CHODL: variants seen among roughly 807,000 people sequenced by gnomAD.
The protein encoded by CHODL is chondrolectin.
In CHODL, 29 loss-of-function variants were observed where a neutral mutation model predicts 34.5. That is an observed-to-expected ratio of 0.84 (90% confidence interval 0.63 to 1.15). The LOEUF is 1.15. CHODL is among the 50% of genes most tolerant of loss of function. The probability of loss-of-function intolerance (pLI) is 0.00; values close to 1 mark genes in which losing one functional copy is unlikely to be tolerated. For synonymous variants in CHODL, 125 were observed against 116.1 expected (o/e 1.08, Z -0.49); for missense variants, 332 against 332.5 (o/e 1.00, Z 0.01).
At chr21:18,060,398 C>T (rs2146483087) in intron 2 of CHODL, among the ~76,000 whole-genome samples, 1 of 151,806 alleles carries the variant, frequency 6.6e-6, no homozygotes, top group Non-Finnish European at 1.5e-5. Context: ...TGCAGCGAGC[C>T]GTGTTTGCAC....
At position 18,206,503 on chromosome 21, in the gene CHODL, CTTTATT is replaced by C. The variant is rs574286232; in HGVS notation, c.-44-50001_-44-49996del. The stretch of plus-strand genomic sequence containing the variant: ...TTGTGTGAAATACCTTTTTCCATTT[CTTTATT>C]TTTAGTCTCTGTGTGTCTTCATAGG... On this transcript the variant is annotated intron_variant, in intron 2 of 6. Transcript: ENST00000400127. Among the ~76,000 whole-genome samples the C allele has an allele frequency of 2.0e-3, 310 of 151,332 alleles. 2 individuals carry two copies. Among genetic ancestry groups the C allele is most frequent in the Middle Eastern group, 0.01 (3 of 294 alleles).
At chr21:18,112,658 T>C (rs7275543) in intron 2 of CHODL, among the ~76,000 whole-genome samples, 62,925 of 151,956 alleles carry the variant, frequency 0.41, 14,184 homozygotes, top group East Asian at 0.89. Context: ...AGAACATACA[T>C]TGGGGAAAAA....
chr21:18,263,349 C>G (rs185818892), intron 5 of CHODL, among the ~76,000 whole-genome samples: 206 of 152,188 alleles, frequency 1.4e-3, no homozygotes, highest in African/African-American at 4.7e-3. Flanking sequence ...AAATTCAAGT[C>G]ACAGGTTTCT....
At chr21:18,060,508 AG>A (rs2146483351) in intron 2 of CHODL, among the ~76,000 whole-genome samples, 1 of 151,908 alleles carries the variant, frequency 6.6e-6, no homozygotes, top group Admixed American at 6.6e-5. Flanking sequence ...CTTAATCTAG[AG>A]GTAGTGATGC....
chr21:17,948,744 A>G (rs1267609379), intron 1 of CHODL, among the ~76,000 whole-genome samples: 1 of 152,180 alleles, frequency 6.6e-6, no homozygotes, highest in South Asian at 2.1e-4. Flanking sequence ...AATGAGTAAT[A>G]AAATTGAATC....
chr21:18,094,428 C>A (rs568169693), intron 2 of CHODL, among the ~76,000 whole-genome samples: 2 of 152,046 alleles, frequency 1.3e-5, no homozygotes, highest in Non-Finnish European at 1.5e-5. Flanking sequence ...CTCCTCAGCA[C>A]GTAGATTATT....
At chr21:18,198,621 C>A (rs2073615945) in intron 2 of CHODL, among the ~76,000 whole-genome samples, 1 of 152,072 alleles carries the variant, frequency 6.6e-6, no homozygotes, top group East Asian at 1.9e-4. Context: ...TTTTAGATTT[C>A]TGGTGGTGTT....
intron 2 of CHODL, among the ~76,000 whole-genome samples, chr21:18,205,933 T>C (rs1476613426): frequency 1.3e-5 from 2 of 152,114 alleles, no homozygotes; most frequent in Admixed American, 1.3e-4. Context: ...TTTCCATGTA[T>C]TTGTATAGTT....
intron 2 of CHODL, among the ~76,000 whole-genome samples, chr21:18,122,387 A>C (rs1343078849): frequency 6.6e-6 from 1 of 152,162 alleles, no homozygotes; most frequent in Non-Finnish European, 1.5e-5. Context: ...TTTCTACTGA[A>C]GGAGGATAAT....
intron 1 of CHODL, among the ~76,000 whole-genome samples, chr21:17,988,644 C>T (rs895152073): frequency 2.3e-5 from 3 of 129,002 alleles, no homozygotes; most frequent in East Asian, 2.3e-4. Context: ...TGAGAATATG[C>T]AGTGTTTGGT....
intron 2 of CHODL, among the ~76,000 whole-genome samples, chr21:18,073,485 T>G (rs553891745): frequency 6.8e-4 from 103 of 152,256 alleles, no homozygotes; most frequent in African/African-American, 2.4e-3. Context: ...TTTATACTTC[T>G]AATGATTACA....
At chr21:18,255,761 A>G (rs1293059077) in intron 1 of CHODL, among the ~76,000 whole-genome samples, 1 of 152,012 alleles carries the variant, frequency 6.6e-6, no homozygotes, top group East Asian at 1.9e-4. Context: ...TTAATTTGCA[A>G]TTTATCACTT....
intron 2 of CHODL, among the ~76,000 whole-genome samples, chr21:18,170,395 AT>A (rs1357973745): frequency 2.0e-5 from 3 of 152,040 alleles, no homozygotes; most frequent in Non-Finnish European, 4.4e-5. Flanking sequence ...TATTTCAAGC[AT>A]TTACATTTAA....
chr21:18,189,538 G>A (rs1474020794), intron 2 of CHODL, among the ~76,000 whole-genome samples: 8 of 151,902 alleles, frequency 5.3e-5, no homozygotes, highest in African/African-American at 1.9e-4. Flanking sequence ...TGCATGGGAG[G>A]GAGTTTTATG....
intron 1 of CHODL, among the ~76,000 whole-genome samples, chr21:18,003,359 G>C (rs898264555): frequency 6.8e-6 from 1 of 148,096 alleles, no homozygotes; most frequent in Non-Finnish European, 1.5e-5. Context: ...CAGATTATAA[G>C]ACTTCAGAAA....
At chr21:18,017,610 G>A (rs909515848) in intron 1 of CHODL, among the ~76,000 whole-genome samples, 4 of 152,194 alleles carry the variant, frequency 2.6e-5, no homozygotes, top group Non-Finnish European at 4.4e-5. Flanking sequence ...TTCAGAGGAC[G>A]TATGAAAAGC....
chr21:18,252,014 C>T (rs143975152), intron 1 of CHODL, among the ~76,000 whole-genome samples: 1 of 151,954 alleles, frequency 6.6e-6, no homozygotes, highest in African/African-American at 2.4e-5. Context: ...GCTCCTAGTG[C>T]ACATCTAGCA....
chr21:18,228,651 T>G (rs910466712), intron 2 of CHODL, among the ~76,000 whole-genome samples: 5 of 152,144 alleles, frequency 3.3e-5, no homozygotes, highest in African/African-American at 1.2e-4. Flanking sequence ...GAAGAGAACT[T>G]GTACATCCCA....
chr21:18,125,608 A>ATTTAATTAATTAATTAATTAT (rs2065533312), intron 2 of CHODL, among the ~76,000 whole-genome samples: 1 of 151,636 alleles, frequency 6.6e-6, no homozygotes, highest in South Asian at 2.1e-4. Flanking sequence ...TAATTAATTA[A>ATTTAATTAATTAATTAATTAT]TTTTTGAGAT....
Sources: allele counts gnomAD v4.1 joint callset (sites outside exome capture counted in the v4.1 genomes callset), GRCh38; gene constraint gnomAD v4.1.1; transcripts MANE v1.5; gene names NCBI Gene and HGNC (gene_info 2026-07-23, HGNC 2026-07-21).